PCDHGB5: variants seen among roughly 807,000 people sequenced by gnomAD.
The protein encoded by PCDHGB5 is protocadherin gamma-B5.
PCDHGB5 carries 48 observed loss-of-function variants against 62.9 expected under a neutral mutation model. The ratio of observed to expected loss-of-function variants is 0.76; its 90% CI spans 0.61 to 0.97. PCDHGB5 has a LOEUF of 0.97. Among genes scored for constraint, PCDHGB5 ranks in the 50% least tolerant of loss-of-function variants. The probability of loss-of-function intolerance (pLI) is 0.00; values close to 1 mark genes in which losing one functional copy is unlikely to be tolerated. For missense variants in PCDHGB5, 1,118 were observed against 1,198.6 expected (o/e 0.93, Z 0.99); for synonymous variants, 474 against 511.2 (o/e 0.93, Z 0.98).
intron 1 of PCDHGB5, among the ~76,000 whole-genome samples, chr5:141,459,937 G>A (rs904431112): frequency 6.6e-6 from 1 of 152,132 alleles, no homozygotes; most frequent in Non-Finnish European, 1.5e-5. Flanking sequence ...TTGTAGCTGG[G>A]CGTGATGGCA....
intron 1 of PCDHGB5, chr5:141,409,996 G>A (rs1561724976): frequency 6.2e-7 from 1 of 1,613,132 alleles, no homozygotes; most frequent in Non-Finnish European, 8.5e-7. Context: ...ACGCCGACTC[G>A]GGACACAACG....
rs1467940246 is a variant in PCDHGB5, at chr5:141,399,349, C to A, written c.1222C>A (p.Arg408=). 15 of 1,613,814 alleles carry A rather than the reference C, an allele frequency of 9.3e-6. No homozygotes were observed. Among genetic ancestry groups the A allele is most frequent in the African/African-American group, 1.3e-5 (1 of 74,936 alleles). ...YKLVTDGTLD[R]EQTPEYNVTI... is the part of the protein sequence containing the mutation. ...GTTGGTAACAGATGGAACCCTAGAC[C>A]GAGAGCAAACCCCGGAGTACAATGT... The change falls in exon 1 of 4, where the codon CGA becomes AGA. Residue 408 remains arginine (R), a synonymous_variant. Coordinates refer to ENST00000617380, the MANE Select transcript of PCDHGB5 (RefSeq NM_018925.3).
In PCDHGB5 at chr5:141,430,991, A is replaced by G. The variant is rs2097333608; in HGVS notation, c.2397+30467A>G. 2.5e-6 allele frequency: 4 copies of G among 1,613,862 alleles called. No individual in the cohort carries two copies. In the East Asian group the frequency reaches 8.9e-5, roughly 36 times the overall value. ...AGGTAGGACGCAGCTTTTCGCCCTGAATCCGCGCAGCGGCAGCTTGGTCAC... is the reference window on the plus strand; with the variant it reads ...AGGTAGGACGCAGCTTTTCGCCCTGGATCCGCGCAGCGGCAGCTTGGTCAC... On this transcript the variant is annotated intron_variant, in intron 1 of 3. Coordinates refer to ENST00000617380, the MANE Select transcript of PCDHGB5 (RefSeq NM_018925.3).
At chr5:141,506,444 C>CAAA (rs1219684339) in intron 3 of PCDHGB5, among the ~76,000 whole-genome samples, 2 of 95,018 alleles carry the variant, frequency 2.1e-5, no homozygotes, top group African/African-American at 7.9e-5. Context: ...CGCTCTGTCT[C>CAAA]AAAAAAAAAA....
At position 141,397,953 on chromosome 5, in the gene PCDHGB5, C is replaced by A; in HGVS notation, c.-175C>A. The A allele has an allele frequency of 2.1e-6, 2 of 962,110 alleles. No homozygotes were observed. 59.6% of individuals were successfully genotyped at this position (962,110 alleles called of 1,614,324 possible). ...CCGCAGCGCGCTTTCCAGGGCAGCCCCAGCTCAGACTCCCCAGCGCCGGCC... is the reference window on the plus strand; with the variant it reads ...CCGCAGCGCGCTTTCCAGGGCAGCCACAGCTCAGACTCCCCAGCGCCGGCC... On this transcript the variant is annotated 5_prime_UTR_variant, in exon 1 of 4. Coordinates refer to ENST00000617380, the MANE Select transcript of PCDHGB5 (RefSeq NM_018925.3).
At chr5:141,473,236 A>G (rs1314160781) in intron 1 of PCDHGB5, among the ~76,000 whole-genome samples, 1 of 152,200 alleles carries the variant, frequency 6.6e-6, no homozygotes, top group Non-Finnish European at 1.5e-5. Flanking sequence ...GGATCCACAC[A>G]AGTGAATACA....
intron 3 of PCDHGB5, 56 bp from the exon 4 acceptor site, chr5:141,510,891 G>A (rs945706652): frequency 8.7e-6 from 14 of 1,612,762 alleles, no homozygotes; most frequent in Middle Eastern, 1.6e-4. Flanking sequence ...ATATAAGACA[G>A]TGACTGTTGA....
At chr5:141,441,718 C>A in intron 1 of PCDHGB5, 1 of 344,940 alleles carries the variant, frequency 2.9e-6, no homozygotes, top group Non-Finnish European at 5.7e-6. Flanking sequence ...ACGCTGCAGG[C>A]CCGCGACCAG....
At chr5:141,411,958 GAT>G (rs1485546812) in intron 1 of PCDHGB5, 1 of 152,192 alleles carries the variant, frequency 6.6e-6, no homozygotes, top group African/African-American at 2.4e-5. Flanking sequence ...GAAGAAAAAA[GAT>G]AAAATCTTTG....
intron 1 of PCDHGB5, among the ~76,000 whole-genome samples, chr5:141,437,450 G>A (rs2097885331): frequency 6.6e-6 from 1 of 152,148 alleles, no homozygotes; most frequent in Non-Finnish European, 1.5e-5. Context: ...GAATGTTGAG[G>A]AGACTATACT....
chr5:141,466,510 A>AT (rs1222513096), intron 1 of PCDHGB5, among the ~76,000 whole-genome samples: 1 of 151,938 alleles, frequency 6.6e-6, no homozygotes, highest in African/African-American at 2.4e-5. Context: ...AGACAAGATC[A>AT]TTTTTTTTCC....
At position 141,399,816 on chromosome 5, in the gene PCDHGB5, G is replaced by A; in HGVS notation, c.1689G>A (p.Leu563=). 1.2e-6 allele frequency: 2 copies of A among 1,613,196 alleles called. No homozygotes were observed. Among genetic ancestry groups the A allele is most frequent in the Non-Finnish European group, 1.7e-6 (2 of 1,179,770 alleles). Residue 563 remains leucine (L), a synonymous_variant, in exon 1 of 4, where the codon CTG becomes CTA. Transcript: ENST00000617380. ...DNAPRVLYPA[L]GPDGSALFDM... ...CACCGCGGGTGCTGTACCCCGCGCT[G>A]GGTCCCGACGGCTCTGCGCTCTTCG...
At chr5:141,445,558 G>A (rs1172697298) in intron 1 of PCDHGB5, among the ~76,000 whole-genome samples, 1 of 152,172 alleles carries the variant, frequency 6.6e-6, no homozygotes, top group Non-Finnish European at 1.5e-5. Flanking sequence ...AAAGCACTAA[G>A]AGAAAGCTTA....
In PCDHGB5 at chr5:141,431,253, ACT is replaced by A. The variant is rs757246289; in HGVS notation, c.2397+30734_2397+30735del. On this transcript the variant is annotated intron_variant, in intron 1 of 3. Coordinates refer to ENST00000617380, the MANE Select transcript of PCDHGB5 (RefSeq NM_018925.3). This position sits in a 1 kb window ranked among gnomAD's most constrained non-coding sequence, Gnocchi z 4.8. ...GCCTGGGATCCGGATATCGGGAAGA[ACT>A]CTCTGCAGAGCTACGAGCTCAGCCC... 2.2e-5 allele frequency: 35 copies of A among 1,614,014 alleles called. No individual in the cohort carries two copies. In the South Asian group the frequency reaches 3.1e-4, roughly 14 times the overall value.
intron 1 of PCDHGB5, among the ~76,000 whole-genome samples, chr5:141,457,755 A>G (rs1011599369): frequency 2.0e-5 from 3 of 152,226 alleles, no homozygotes; most frequent in African/African-American, 4.8e-5. Flanking sequence ...GAGCCCAGAC[A>G]TGGGTTTGTA....
At chr5:141,422,044 G>C in intron 1 of PCDHGB5, 1 of 1,611,530 alleles carries the variant, frequency 6.2e-7, no homozygotes, top group Admixed American at 1.7e-5. Flanking sequence ...TCCAGACGAG[G>C]GAATCAACGG....
At chr5:141,478,740 C>T (rs2099474176) in intron 1 of PCDHGB5, 7 of 1,531,524 alleles carry the variant, frequency 4.6e-6, no homozygotes, top group Non-Finnish European at 6.2e-6. Flanking sequence ...GGTTTGTGGT[C>T]CCATTTCAGG....
At position 141,491,884 on chromosome 5, in the gene PCDHGB5, G is replaced by A. The variant is rs745931108; in HGVS notation, c.2398-2923G>A. The A allele has an allele frequency of 2.8e-6, 4 of 1,446,372 alleles. No homozygotes were observed. The highest frequency in any genetic ancestry group is 2.9e-5 in the Admixed American group (1 of 34,718). 89.6% of individuals were successfully genotyped at this position (1,446,372 alleles called of 1,614,324 possible). ...AACCAGAGTGGCCGATTAAGGGATG[G>A]GGCTCCGAGCACCGGGGGTGGTGGC... On this transcript the variant is annotated intron_variant, in intron 1 of 3. Coordinates refer to ENST00000617380, the MANE Select transcript of PCDHGB5 (RefSeq NM_018925.3). This position sits in a 1 kb window ranked among gnomAD's most constrained non-coding sequence, Gnocchi z 6.9.
chr5:141,428,387 G>A, intron 1 of PCDHGB5: 1 of 505,948 alleles, frequency 2.0e-6, no homozygotes, highest in South Asian at 2.0e-5. Context: ...TGCTCTTCCA[G>A]CCCCTCTGCC....
Sources: allele counts gnomAD v4.1 joint callset (sites outside exome capture counted in the v4.1 genomes callset), GRCh38; gene constraint gnomAD v4.1.1; non-coding constraint Gnocchi (gnomAD v3.1); transcripts MANE v1.5; gene names NCBI Gene and HGNC (gene_info 2026-07-23, HGNC 2026-07-21).